LCMT1: variants seen among roughly 807,000 people sequenced by gnomAD.
The protein encoded by LCMT1 is [Phosphatase 2A protein]-leucine-carboxy methyltransferase 1.
In LCMT1, 32 loss-of-function variants were observed where a neutral mutation model predicts 47.7. The ratio of observed to expected loss-of-function variants is 0.67; its 90% confidence interval spans 0.51 to 0.90. The LOEUF is 0.90. Ranked by LOEUF, LCMT1 falls within the 40% of genes least tolerant of loss-of-function variation. LCMT1 has a pLI of 0.00. For synonymous variants in LCMT1, 152 were observed against 149.7 expected (o/e 1.02, Z -0.11); for missense variants, 375 against 415.2 (o/e 0.90, Z 0.84).
intron 3 of LCMT1, among the ~76,000 whole-genome samples, chr16:25,138,893 A>T (rs1960585748): frequency 6.6e-6 from 1 of 151,694 alleles, no homozygotes; most frequent in African/African-American, 2.4e-5. Flanking sequence ...ATTAATCTTC[A>T]CAACCCCATA....
intron 2 of LCMT1, among the ~76,000 whole-genome samples, chr16:25,129,814 C>T (rs1000660567): frequency 3.3e-5 from 5 of 152,170 alleles, no homozygotes; most frequent in African/African-American, 9.7e-5. Context: ...TTAGTTTTCA[C>T]GCCTCTTGTC....
At position 25,174,989 on chromosome 16, in the gene LCMT1, C is replaced by T. The variant is rs748021352; in HGVS notation, c.937C>T (p.Arg313Trp). The change falls in exon 10 of 11, where the codon CGG becomes TGG. Residue 313 changes from arginine (R) to tryptophan (W), a missense_variant. Physicochemically the swap from Arg to Trp is moderately radical, Grantham distance 101. Coordinates refer to ENST00000399069, the MANE Select transcript of LCMT1 (RefSeq NM_016309.3). ...DEMELLEQLM[R>W]HYCLCWATKG... ...AATGGAGCTGCTGGAGCAGCTCATG[C>T]GGCATTACTGCCTTTGCTGGGCAAC... 2.9e-5 allele frequency: 46 copies of T among 1,610,124 alleles called. No individual in the cohort carries two copies. The East Asian group carries it at 3.8e-4, about 13-fold the overall frequency.
At chr16:25,172,408 C>T (rs984746626) in intron 9 of LCMT1, among the ~76,000 whole-genome samples, 2 of 152,034 alleles carry the variant, frequency 1.3e-5, no homozygotes, top group Non-Finnish European at 2.9e-5. Context: ...TGTAGCTGGG[C>T]ATTTAGTTGC....
At chr16:25,169,407 A>C (rs941739957) in intron 8 of LCMT1, 194 bp downstream of exon 8, 11 of 512,164 alleles carry the variant, frequency 2.1e-5, no homozygotes, top group Admixed American at 9.7e-5. Context: ...CACATTTCCT[A>C]CACCCTATTA....
At chr16:25,115,383 T>C (rs1219325245) in intron 1 of LCMT1, among the ~76,000 whole-genome samples, 1 of 152,214 alleles carries the variant, frequency 6.6e-6, no homozygotes, top group East Asian at 1.9e-4. Flanking sequence ...TTAACCAAAC[T>C]ATCCATTTTT....
chr16:25,119,490 T>C (rs1443724583), intron 1 of LCMT1, among the ~76,000 whole-genome samples: 1 of 152,166 alleles, frequency 6.6e-6, no homozygotes, highest in Non-Finnish European at 1.5e-5. Context: ...AAGATTGTAT[T>C]TCCTGATGAG....
intron 3 of LCMT1, among the ~76,000 whole-genome samples, chr16:25,135,551 A>G (rs754155344): frequency 1.3e-5 from 2 of 152,168 alleles, no homozygotes; most frequent in African/African-American, 2.4e-5. Context: ...CAGTTTGCCA[A>G]TCTCTGTTTT....
At chr16:25,160,943 T>G (rs1328620050) in intron 5 of LCMT1, among the ~76,000 whole-genome samples, 159 bp from the exon 6 acceptor site, 2 of 151,940 alleles carry the variant, frequency 1.3e-5, no homozygotes, top group South Asian at 4.2e-4. Context: ...ATAGTTATCT[T>G]TGGAAGATAG....
At chr16:25,171,105 G>A (rs1198926839) in intron 9 of LCMT1, among the ~76,000 whole-genome samples, 1 of 151,902 alleles carries the variant, frequency 6.6e-6, no homozygotes, top group African/African-American at 2.4e-5. Context: ...GTAGGGTGGT[G>A]CACATTTATA....
At chr16:25,154,952 A>T (rs1961207217) in intron 5 of LCMT1, among the ~76,000 whole-genome samples, 1 of 152,236 alleles carries the variant, frequency 6.6e-6, no homozygotes, top group African/African-American at 2.4e-5. Context: ...AAAATGAAAT[A>T]AAAATGTGAA....
At chr16:25,153,768 C>G (rs1456757727) in intron 5 of LCMT1, among the ~76,000 whole-genome samples, 1 of 152,032 alleles carries the variant, frequency 6.6e-6, no homozygotes, top group Non-Finnish European at 1.5e-5. Context: ...GCCTGGCCAA[C>G]ATGATGAAAC....
chr16:25,127,257 G>A (rs1280369849), intron 1 of LCMT1, among the ~76,000 whole-genome samples: 2 of 152,178 alleles, frequency 1.3e-5, no homozygotes, highest in African/African-American at 4.8e-5. Context: ...GTTTGCAAAT[G>A]AATTGATTTT....
At chr16:25,113,087 G>A (rs544239109) in intron 1 of LCMT1, among the ~76,000 whole-genome samples, 5 of 137,462 alleles carry the variant, frequency 3.6e-5, no homozygotes, top group Non-Finnish European at 7.6e-5. Context: ...GTTGCAGTGA[G>A]CCAAGATCAC....
At chr16:25,168,646 C>G (rs780640633) in intron 7 of LCMT1, among the ~76,000 whole-genome samples, 6 of 152,176 alleles carry the variant, frequency 3.9e-5, no homozygotes, top group Non-Finnish European at 8.8e-5. Context: ...TGGGCTCATA[C>G]TATCCATATT....
In LCMT1 at chr16:25,175,030, G is replaced by C. The variant is rs772929068; in HGVS notation, c.978G>C (p.Glu326Asp). 50 of 1,589,638 alleles carry C rather than the reference G, an allele frequency of 3.1e-5. No homozygotes were observed. Among genetic ancestry groups the C allele is most frequent in the Non-Finnish European group, 4.1e-5 (48 of 1,159,176 alleles). ...CLCWATKGGN[E>D]LGLKEITY ...GCTGGGCAACCAAAGGAGGAAATGA[G>C]CTTGGTGCGTGATTGTACTTTTCTT... Residue 326 changes from glutamate to aspartate, a missense_variant, in exon 10 of 11, where the codon GAG becomes GAC. Physicochemically the swap from Glu to Asp is conservative, Grantham distance 45 (BLOSUM62 2). Coordinates refer to ENST00000399069, the MANE Select transcript of LCMT1 (RefSeq NM_016309.3).
chr16:25,151,490 G>A, intron 4 of LCMT1, 64 bp from the exon 5 acceptor site: 2 of 1,321,496 alleles, frequency 1.5e-6, no homozygotes, highest in East Asian at 2.3e-5. Context: ...TGCAGTAAAT[G>A]AGCTCATGAG....
intron 5 of LCMT1, among the ~76,000 whole-genome samples, chr16:25,159,107 C>CTA (rs1961345467): frequency 6.6e-6 from 1 of 152,220 alleles, no homozygotes; most frequent in Admixed American, 6.5e-5. Flanking sequence ...CTACATGGTA[C>CTA]TAGACTTCAT....
intron 5 of LCMT1, among the ~76,000 whole-genome samples, chr16:25,152,759 T>TA (rs1961121139): frequency 6.6e-6 from 1 of 152,170 alleles, no homozygotes; most frequent in African/African-American, 2.4e-5. Flanking sequence ...TCTGGTATCT[T>TA]ACACTTGATC....
At chr16:25,138,758 G>T (rs554991935) in intron 3 of LCMT1, among the ~76,000 whole-genome samples, 1 of 152,152 alleles carries the variant, frequency 6.6e-6, no homozygotes, top group East Asian at 1.9e-4. Flanking sequence ...TTTCCAGCAC[G>T]TTGTGCAGTA....
Sources: gnomAD v4.1 joint callset for allele counts (sites outside exome capture counted in the v4.1 genomes callset) on GRCh38, gnomAD v4.1.1 for gene constraint, MANE v1.5 for transcripts, NCBI Gene and HGNC (gene_info 2026-07-23, HGNC 2026-07-21) for gene names.